The following RGS6 variants were observed in gnomAD, a reference collection of about 807,000 sequenced individuals.
RGS6 encodes the protein regulator of G protein signaling 6, also known as regulator of G-protein signaling 6.
RGS6 carries 30 observed loss-of-function variants against 78.5 expected under a neutral mutation model. The observed-to-expected ratio is 0.38, with a 90% CI of 0.29 to 0.52. The LOEUF (loss-of-function observed/expected upper bound fraction) is 0.52, where lower values mean the gene tolerates loss of function less well. Among genes scored for constraint, RGS6 ranks in the 20% least tolerant of loss-of-function variants. The pLI is 0.85. For synonymous variants in RGS6, 206 were observed against 206.0 expected, an observed-to-expected ratio of 1.00 and a Z score of 0.00; for missense variants, 495 against 609.7, an observed-to-expected ratio of 0.81 and a Z score of 1.98.
At chr14:71,899,270 G>T in the RGS6 span, among the ~76,000 whole-genome samples, 2 of 152,226 alleles carry the variant, frequency 1.3e-5, no homozygotes, top group African/African-American at 4.8e-5. Context: ...TTTGCCGCTT[G>T]CTGTGTAGCC....
Position 72,174,170 on chromosome 14 carries a change from C to T in RGS6, c.85-177925C>T, listed in dbSNP as rs555502953. On this transcript the variant is annotated intron_variant, in intron 2 of 17. Coordinates refer to ENST00000553525, the MANE Select transcript of RGS6 (RefSeq NM_001204424.2). ...GTTGCCCAGGCTCAAGTGCAAGGCA[C>T]GATCTCAGCTCACTGCGACCTCTGC... Among the ~76,000 whole-genome samples the T allele has an allele frequency of 1.5e-4, 23 of 152,324 alleles. No homozygotes were observed. The South Asian group carries it at 3.5e-3, about 23-fold the overall frequency.
intron 3 of RGS6, among the ~76,000 whole-genome samples, chr14:72,408,399 T>G (rs541894481): frequency 1.2e-4 from 19 of 152,334 alleles, no homozygotes; most frequent in Admixed American, 5.9e-4. Context: ...ACCTTATAAC[T>G]GAGTGCTGTC....
At chr14:72,343,477 A>G (rs1178813555) in intron 2 of RGS6, among the ~76,000 whole-genome samples, 1 of 152,212 alleles carries the variant, frequency 6.6e-6, no homozygotes, top group Non-Finnish European at 1.5e-5. Flanking sequence ...CTCCCATCTT[A>G]AGATCCTTAG....
intron 2 of RGS6, among the ~76,000 whole-genome samples, chr14:72,244,702 T>A (rs2053775206): frequency 6.6e-6 from 1 of 152,204 alleles, no homozygotes; most frequent in Non-Finnish European, 1.5e-5. Flanking sequence ...AAGCTTGCTT[T>A]CTCTCCCATT....
intron 2 of RGS6, among the ~76,000 whole-genome samples, chr14:72,264,415 G>T (rs1039211464): frequency 6.6e-6 from 1 of 152,110 alleles, no homozygotes; most frequent in Non-Finnish European, 1.5e-5. Context: ...GGTTACTGGG[G>T]GGCAAAGAAT....
intron 3 of RGS6, among the ~76,000 whole-genome samples, chr14:72,395,068 A>T (rs1055400323): frequency 1.3e-5 from 2 of 152,220 alleles, no homozygotes; most frequent in Non-Finnish European, 2.9e-5. Flanking sequence ...ATTATTAGAC[A>T]TTTCAATCTG....
In RGS6 at chr14:72,139,901, TCA is replaced by T. The variant is rs1008264087; in HGVS notation, c.84+175029_84+175030del. On this transcript the variant is annotated intron_variant, in intron 2 of 17. Coordinates refer to ENST00000553525, the MANE Select transcript of RGS6 (RefSeq NM_001204424.2). ...GCATGTTTAAATAACGATTTAAAAA[TCA>T]CATGAGAAATGATCAGGCTTTCTTT... Among the ~76,000 whole-genome samples the T allele has an allele frequency of 1.5e-3, 233 of 152,272 alleles. 4 individuals are homozygous for T. Among genetic ancestry groups the T allele is most frequent in the Non-Finnish European group, 2.1e-4 (14 of 68,028 alleles).
chr14:72,359,577 A>G (rs966256188), intron 3 of RGS6, among the ~76,000 whole-genome samples: 1 of 152,208 alleles, frequency 6.6e-6, no homozygotes, highest in African/African-American at 2.4e-5. Context: ...CATAGGAATA[A>G]TGAGGTCACC....
intron 3 of RGS6, among the ~76,000 whole-genome samples, chr14:72,446,746 G>T (rs952931057): frequency 2.0e-5 from 3 of 152,170 alleles, no homozygotes; most frequent in Admixed American, 6.5e-5. Flanking sequence ...TCGCACCTGG[G>T]GGGTGATGGG....
intron 2 of RGS6, among the ~76,000 whole-genome samples, chr14:72,061,231 T>C (rs1567125253): frequency 6.6e-6 from 1 of 152,208 alleles, no homozygotes; most frequent in Non-Finnish European, 1.5e-5. Flanking sequence ...GGGTCCTTAA[T>C]TGACTGTGGT....
chr14:72,016,409 A>G (rs1315244691), intron 2 of RGS6, among the ~76,000 whole-genome samples: 1 of 152,082 alleles, frequency 6.6e-6, no homozygotes, highest in Non-Finnish European at 1.5e-5. Flanking sequence ...ACTGTTCCCC[A>G]GGCTGGAGTG....
At chr14:71,985,193 G>A (rs998896021) in intron 2 of RGS6, among the ~76,000 whole-genome samples, 5 of 152,072 alleles carry the variant, frequency 3.3e-5, no homozygotes, top group South Asian at 4.2e-4. Context: ...GTGTGATCTC[G>A]GCTCACTGCA....
At chr14:72,497,319 T>C (rs2096658710) in intron 13 of RGS6, among the ~76,000 whole-genome samples, 1 of 152,216 alleles carries the variant, frequency 6.6e-6, no homozygotes, top group Non-Finnish European at 1.5e-5. Context: ...TGTTTCCTTG[T>C]TAATATACTT....
intron 12 of RGS6, among the ~76,000 whole-genome samples, chr14:72,490,944 G>C (rs1394613798): frequency 5.3e-5 from 8 of 152,180 alleles, no homozygotes; most frequent in African/African-American, 1.9e-4. Context: ...TCTGACTCAG[G>C]AGGCCTGGGC....
intron 2 of RGS6, among the ~76,000 whole-genome samples, chr14:72,156,335 A>G (rs546399557): frequency 6.6e-6 from 1 of 152,006 alleles, no homozygotes; most frequent in African/African-American, 2.4e-5. Context: ...AATCCCAGCT[A>G]CTTGGGAAGC....
At chr14:72,348,041 C>G (rs1281524151) in intron 2 of RGS6, among the ~76,000 whole-genome samples, 2 of 152,226 alleles carry the variant, frequency 1.3e-5, no homozygotes, top group African/African-American at 4.8e-5. Flanking sequence ...AAACAAAGCA[C>G]TAACCTTGGC....
chr14:72,148,049 T>C (rs2153629595), intron 2 of RGS6, among the ~76,000 whole-genome samples: 1 of 147,534 alleles, frequency 6.8e-6, no homozygotes, highest in East Asian at 2.0e-4. Context: ...GAGAATGGCA[T>C]GAACCTGGGA....
At chr14:72,449,044 A>G (rs988170180) in intron 3 of RGS6, among the ~76,000 whole-genome samples, 4 of 152,226 alleles carry the variant, frequency 2.6e-5, no homozygotes, top group African/African-American at 4.8e-5. Flanking sequence ...TGGCCTGTGC[A>G]TGACATCTAT....
At chr14:72,543,265 C>G (rs141472494) in intron 17 of RGS6, among the ~76,000 whole-genome samples, 1 of 152,336 alleles carries the variant, frequency 6.6e-6, no homozygotes, top group Non-Finnish European at 1.5e-5. Flanking sequence ...AGGCAAAACA[C>G]AGGCTGGGTT....
Sources: gnomAD v4.1 joint callset for allele counts (sites outside exome capture counted in the v4.1 genomes callset) on GRCh38, gnomAD v4.1.1 for gene constraint, MANE v1.5 for transcripts, NCBI Gene and HGNC (gene_info 2026-07-23, HGNC 2026-07-21) for gene names.